FGF12: variants seen among roughly 807,000 people sequenced by gnomAD.
The protein encoded by FGF12 is fibroblast growth factor 12.
A neutral mutation model predicts 23.6 loss-of-function variants in FGF12; 14 were observed. The ratio of observed to expected loss-of-function variants is 0.59; its 90% confidence interval spans 0.39 to 0.93. The LOEUF (loss-of-function observed/expected upper bound fraction) is 0.93, where lower values mean the gene tolerates loss of function less well. FGF12 is among the 40% of genes least tolerant of loss of function. FGF12 has a pLI of 0.00. For synonymous variants in FGF12, 62 were observed against 77.3 expected, an observed-to-expected ratio of 0.80 and a Z score of 1.04; for missense variants, 175 against 217.8, an observed-to-expected ratio of 0.80 and a Z score of 1.24.
At chr3:192,463,539 C>T (rs1039450754) in intron 2 of FGF12, among the ~76,000 whole-genome samples, 11 of 152,218 alleles carry the variant, frequency 7.2e-5, no homozygotes, top group Non-Finnish European at 1.5e-4. Flanking sequence ...ACTCTTCAAG[C>T]TTACCTGGCC....
chr3:192,398,958 C>T (rs1049480809), intron 2 of FGF12, among the ~76,000 whole-genome samples: 4 of 152,104 alleles, frequency 2.6e-5, no homozygotes, highest in African/African-American at 9.7e-5. Context: ...TGAAGAACTG[C>T]AGTGACACAG....
At chr3:192,717,305 A>G (rs988984482) in intron 2 of FGF12, among the ~76,000 whole-genome samples, 3 of 152,150 alleles carry the variant, frequency 2.0e-5, no homozygotes, top group African/African-American at 4.8e-5. Context: ...TAACATCTCT[A>G]TGCTTGACTT....
At chr3:192,584,167 T>A (rs1713275046) in intron 2 of FGF12, among the ~76,000 whole-genome samples, 1 of 152,192 alleles carries the variant, frequency 6.6e-6, no homozygotes, top group African/African-American at 2.4e-5. Flanking sequence ...TACTGGCAGA[T>A]TAACCTTAGT....
intron 2 of FGF12, among the ~76,000 whole-genome samples, chr3:192,610,968 G>A (rs928493061): frequency 4.6e-5 from 7 of 151,848 alleles, no homozygotes; most frequent in South Asian, 2.1e-4. Context: ...CCCTATAACC[G>A]TTTCTGTTTT....
chr3:192,320,131 T>C (rs1004558255), intron 4 of FGF12, among the ~76,000 whole-genome samples: 3 of 151,956 alleles, frequency 2.0e-5, no homozygotes, highest in Admixed American at 6.6e-5. Context: ...AAGACACACA[T>C]AGACAGATAC....
chr3:192,307,517 C>A (rs945217009), intron 4 of FGF12, among the ~76,000 whole-genome samples: 3 of 152,066 alleles, frequency 2.0e-5, no homozygotes, highest in Non-Finnish European at 4.4e-5. Flanking sequence ...AGAGTGGGCA[C>A]AATGCTAGAT....
At chr3:192,421,030 G>A (rs556446608) in intron 2 of FGF12, among the ~76,000 whole-genome samples, 31 of 152,240 alleles carry the variant, frequency 2.0e-4, no homozygotes, top group African/African-American at 7.5e-4. Flanking sequence ...AGGGGGTGGA[G>A]AGATATTCGA....
chr3:192,510,471 C>G (rs1205376127), intron 2 of FGF12, among the ~76,000 whole-genome samples: 1 of 152,150 alleles, frequency 6.6e-6, no homozygotes, highest in Non-Finnish European at 1.5e-5. Context: ...AAAACATTGA[C>G]AACACTGACA....
chr3:192,541,047 A>G (rs1725351211), intron 2 of FGF12, among the ~76,000 whole-genome samples: 1 of 152,042 alleles, frequency 6.6e-6, no homozygotes, highest in African/African-American at 2.4e-5. Flanking sequence ...AGTGCAACTT[A>G]TCATTGGGTC....
chr3:192,699,762 G>A (rs1341635832), intron 2 of FGF12, among the ~76,000 whole-genome samples: 1 of 152,150 alleles, frequency 6.6e-6, no homozygotes, highest in Non-Finnish European at 1.5e-5. Context: ...AAGTAGTGCA[G>A]AGACATGCAA....
intron 2 of FGF12, among the ~76,000 whole-genome samples, chr3:192,378,102 TTTCC>T (rs1250698149): frequency 1.8e-5 from 2 of 114,196 alleles, no homozygotes; most frequent in African/African-American, 3.9e-5. Context: ...TTCTTCTTTC[TTTCC>T]TTCTTTCTCT....
At chr3:192,426,944 T>C (rs950430868) in intron 2 of FGF12, among the ~76,000 whole-genome samples, 5 of 152,206 alleles carry the variant, frequency 3.3e-5, no homozygotes, top group African/African-American at 1.2e-4. Flanking sequence ...GAAATAAAAA[T>C]ACTTACTGAT....
intron 2 of FGF12, among the ~76,000 whole-genome samples, chr3:192,504,821 A>G (rs927157814): frequency 2.0e-5 from 3 of 152,084 alleles, no homozygotes; most frequent in African/African-American, 7.2e-5. Context: ...GTCAAGATTT[A>G]GTTTTGGGAG....
At chr3:192,355,482 C>T (rs1342992200) in intron 3 of FGF12, among the ~76,000 whole-genome samples, 1 of 152,194 alleles carries the variant, frequency 6.6e-6, no homozygotes, top group Non-Finnish European at 1.5e-5. Flanking sequence ...TTGCTTTTGA[C>T]TGTGTCAATG....
chr3:192,674,928 A>ACAT (rs1229565145), intron 2 of FGF12, among the ~76,000 whole-genome samples: 1 of 152,210 alleles, frequency 6.6e-6, no homozygotes, highest in Non-Finnish European at 1.5e-5. Context: ...CTTTGCAAGA[A>ACAT]CATCATACCC....
chr3:192,514,616 G>A lies in FGF12; in HGVS notation c.14-154078C>T. On this transcript the variant is annotated intron_variant, in intron 2 of 5. Transcript: ENST00000445105. This position sits in a 1 kb window ranked among gnomAD's most constrained non-coding sequence, Gnocchi z 4.9. Reference sequence around the variant, plus strand: ...CGGCGGAGAGGGCCCCGGAAGAAGGGAAGGGGGCATTCTGCAGTGTTTGGG... The same window carrying A: ...CGGCGGAGAGGGCCCCGGAAGAAGGAAAGGGGGCATTCTGCAGTGTTTGGG... 1 of 843,664 alleles carries A rather than the reference G, an allele frequency of 1.2e-6. No individual in the cohort carries two copies. Among genetic ancestry groups the A allele is most frequent in the African/African-American group, 1.8e-5 (1 of 54,630 alleles). The allele number at this position is 843,664 out of a possible 1,614,324, so 52.3% of individuals were successfully genotyped here.
rs12629273 is a variant in FGF12, at chr3:192,581,448, G to A, written c.13+145733C>T. Among the ~76,000 whole-genome samples, 5 of 137,440 alleles carry A rather than the reference G, an allele frequency of 3.6e-5. No homozygotes were observed. In the East Asian group the frequency reaches 6.5e-4, roughly 18 times the overall value. 90.2% of individuals were successfully genotyped at this position (137,440 alleles called of 152,430 possible). ...TGTGTATATATATATGTATATATATGTGTGTGTATATATATATGTATATAT... is the reference window on the plus strand; with the variant it reads ...TGTGTATATATATATGTATATATATATGTGTGTATATATATATGTATATAT... On this transcript the variant is annotated intron_variant, in intron 2 of 5. Coordinates refer to ENST00000445105, the MANE Select transcript of FGF12 (RefSeq NM_004113.6).
chr3:192,284,017 G>C (rs948692200), intron 4 of FGF12, among the ~76,000 whole-genome samples: 1 of 152,032 alleles, frequency 6.6e-6, no homozygotes, highest in African/African-American at 2.4e-5. Flanking sequence ...GGTAGGCTCT[G>C]AGGTCTAATT....
intron 2 of FGF12, among the ~76,000 whole-genome samples, chr3:192,651,678 C>T (rs1716219808): frequency 6.6e-6 from 1 of 152,108 alleles, no homozygotes; most frequent in Non-Finnish European, 1.5e-5. Context: ...GATGTACATA[C>T]TTTTGTTATA....
Sources: gnomAD v4.1 joint callset for allele counts (sites outside exome capture counted in the v4.1 genomes callset) on GRCh38, gnomAD v4.1.1 for gene constraint, Gnocchi (gnomAD v3.1) non-coding constraint, MANE v1.5 for transcripts, NCBI Gene and HGNC (gene_info 2026-07-23, HGNC 2026-07-21) for gene names.